PIAS4: variants seen among roughly 807,000 people sequenced by gnomAD.
PIAS4 encodes E3 SUMO-protein ligase PIAS4.
A neutral mutation model predicts 58.0 loss-of-function variants in PIAS4; 7 were observed. The observed-to-expected ratio is 0.12, with a 90% CI of 0.07 to 0.23. PIAS4 has a LOEUF of 0.23. Ranked by LOEUF, PIAS4 falls within the 10% of genes least tolerant of loss-of-function variation. The probability of loss-of-function intolerance (pLI) is 1.00; values close to 1 mark genes in which losing one functional copy is unlikely to be tolerated. For synonymous variants in PIAS4, 364 were observed against 312.4 expected (o/e 1.17, Z -1.74); for missense variants, 550 against 709.5 (o/e 0.78, Z 2.55).
At chr19:4,024,449 T>C (rs2144923504) in intron 3 of PIAS4, among the ~76,000 whole-genome samples, 1 of 152,328 alleles carries the variant, frequency 6.6e-6, no homozygotes, top group South Asian at 2.1e-4. Context: ...ACCCACGCCA[T>C]GACAAGAACA....
chr19:4,034,175 G>A (rs951952083), intron 9 of PIAS4, among the ~76,000 whole-genome samples: 19 of 152,294 alleles, frequency 1.2e-4, no homozygotes, highest in African/African-American at 3.8e-4. Context: ...GCCCGGCGCC[G>A]ACCGCGCCCA....
At chr19:4,036,787 C>CACCGTCACAT in intron 9 of PIAS4, among the ~76,000 whole-genome samples, 1 of 148,700 alleles carries the variant, frequency 6.7e-6, no homozygotes, top group African/African-American at 2.5e-5. Flanking sequence ...CACACACACA[C>CACCGTCACAT]ATCTATACAG....
At chr19:4,023,716 C>T (rs995699115) in intron 2 of PIAS4, among the ~76,000 whole-genome samples, 5 of 152,178 alleles carry the variant, frequency 3.3e-5, no homozygotes, top group African/African-American at 1.2e-4. Flanking sequence ...TGGCTGGGTC[C>T]AGCTCTCCCC....
chr19:4,012,514 C>T (rs2040006121), intron 1 of PIAS4, among the ~76,000 whole-genome samples: 1 of 152,132 alleles, frequency 6.6e-6, no homozygotes, highest in Non-Finnish European at 1.5e-5. Flanking sequence ...TGCTTTATGT[C>T]ATTATCCTCC....
intron 2 of PIAS4, among the ~76,000 whole-genome samples, chr19:4,018,042 C>T (rs1232389127): frequency 1.3e-5 from 2 of 152,222 alleles, no homozygotes; most frequent in Admixed American, 1.3e-4. Flanking sequence ...GAATTCCTAA[C>T]CTCAAGTGAT....
intron 7 of PIAS4, among the ~76,000 whole-genome samples, chr19:4,031,944 C>T (rs1222516954): frequency 6.6e-6 from 1 of 152,144 alleles, no homozygotes; most frequent in Non-Finnish European, 1.5e-5. Context: ...GAGCTGGGAT[C>T]CAAGGATGGA....
At chr19:4,033,393 C>T in intron 8 of PIAS4, 27 bp from the exon 9 acceptor site, 2 of 1,540,938 alleles carry the variant, frequency 1.3e-6, no homozygotes, top group Non-Finnish European at 1.7e-6. Flanking sequence ...GGAGGGGTGC[C>T]CTGCTCACGC....
At chr19:4,034,965 A>T (rs2040259898) in intron 9 of PIAS4, among the ~76,000 whole-genome samples, 2 of 152,092 alleles carry the variant, frequency 1.3e-5, no homozygotes, top group Admixed American at 6.5e-5. Context: ...AGGGGAGCGG[A>T]TAGAGGAGCA....
Position 4,036,212 on chromosome 19 carries a change from C to T in PIAS4, c.1143-1162C>T, listed in dbSNP as rs1489254505. On this transcript the variant is annotated intron_variant, in intron 9 of 10. Transcript: ENST00000262971. ...CCACACCGTCACACATCCATACAGT[C>T]CACACTGTCATACACACACACATCT... is the stretch of plus-strand genomic sequence containing the variant. 2.3e-5 allele frequency among the ~76,000 whole-genome samples: 3 copies of T among 133,320 alleles called. 1 individual carries two copies. Among genetic ancestry groups the T allele is most frequent in the Non-Finnish European group, 5.1e-5 (3 of 58,312 alleles). The allele number at this position is 133,320 out of a possible 152,430, so 87.5% of individuals were successfully genotyped here. A position where few individuals can be genotyped will look rare whatever the true frequency, so the allele number is the denominator to read the frequency against.
chr19:4,035,946 C>T (rs369611762), intron 9 of PIAS4, among the ~76,000 whole-genome samples: 2 of 124,944 alleles, frequency 1.6e-5, no homozygotes, highest in Non-Finnish European at 3.6e-5. Context: ...ATACAGTCCA[C>T]ACCATAACAC....
At chr19:4,008,361 C>G (rs1042450942) in intron 1 of PIAS4, among the ~76,000 whole-genome samples, 12 of 152,098 alleles carry the variant, frequency 7.9e-5, no homozygotes, top group African/African-American at 2.9e-4. Context: ...AGTCAGGGCC[C>G]TGAGACCACC....
At chr19:4,019,706 C>T (rs1407436540) in intron 2 of PIAS4, among the ~76,000 whole-genome samples, 1 of 152,196 alleles carries the variant, frequency 6.6e-6, no homozygotes, top group Non-Finnish European at 1.5e-5. Context: ...CTCAAGGGCC[C>T]AGCCGGGACT....
chr19:4,034,485 G>A (rs372506797), intron 9 of PIAS4, among the ~76,000 whole-genome samples: 5 of 152,242 alleles, frequency 3.3e-5, no homozygotes, highest in Admixed American at 6.5e-5. Flanking sequence ...GAGCTACCCC[G>A]GCTCACGGGG....
rs1325548284 is a variant in PIAS4, at chr19:4,013,225, G to A, written c.330G>A (p.Val110=). ...PLAGPNIDYP[V]LYGKYLNGLG... The stretch of plus-strand genomic sequence containing the variant: ...CAGGCCCCAATATTGACTACCCCGT[G>A]CTCTACGGAAAGTACTTAAACGGAC... Residue 110 remains valine (V), a synonymous_variant, in exon 2 of 11, where the codon GTG becomes GTA. Coordinates refer to ENST00000262971, the MANE Select transcript of PIAS4 (RefSeq NM_015897.4). This position sits in a 1 kb window ranked among gnomAD's most constrained non-coding sequence, Gnocchi z 5.1. 1 of 1,613,504 alleles carries A rather than the reference G, an allele frequency of 6.2e-7. No homozygotes were observed. The highest frequency in any genetic ancestry group is 1.1e-5 in the South Asian group (1 of 91,080).
intron 1 of PIAS4, among the ~76,000 whole-genome samples, chr19:4,012,486 G>A (rs2040005740): frequency 1.3e-5 from 2 of 152,110 alleles, no homozygotes; most frequent in African/African-American, 4.8e-5. Context: ...GACATGGGTT[G>A]AGCGCCCGCC....
chr19:4,008,164 G>A (rs1168126144), intron 1 of PIAS4, among the ~76,000 whole-genome samples: 1 of 152,118 alleles, frequency 6.6e-6, no homozygotes, highest in Non-Finnish European at 1.5e-5. Flanking sequence ...TCTTGGTTCC[G>A]AGCCGGGGTC....
intron 2 of PIAS4, among the ~76,000 whole-genome samples, chr19:4,017,517 C>G (rs1343238859): frequency 6.6e-6 from 1 of 152,112 alleles, no homozygotes; most frequent in Non-Finnish European, 1.5e-5. Flanking sequence ...GCTGCCTCTA[C>G]TCTTGATCTG....
chr19:4,025,491 G>A (rs1599224962), intron 3 of PIAS4, among the ~76,000 whole-genome samples: 1 of 152,106 alleles, frequency 6.6e-6, no homozygotes, highest in African/African-American at 2.4e-5. Context: ...TGGGCCGGGC[G>A]CCCCCATTTA....
At position 4,037,644 on chromosome 19, in the gene PIAS4, C is replaced by A. The variant is rs762188651; in HGVS notation, c.1302C>A (p.Pro434=). Residue 434 remains proline, a synonymous_variant, in exon 11 of 11, where the codon CCC becomes CCA. Coordinates refer to ENST00000262971, the MANE Select transcript of PIAS4 (RefSeq NM_015897.4). This position sits in a 1 kb window ranked among gnomAD's most constrained non-coding sequence, Gnocchi z 5.8. The part of the protein sequence containing the change: ...LGPSDANGLL[P]APSVNGSGAL... Reference sequence around the variant, plus strand: ...CCTCGGACGCCAATGGGCTCCTGCCCGCCCCCAGCGTCAACGGGAGCGGTG... The same window carrying A: ...CCTCGGACGCCAATGGGCTCCTGCCAGCCCCCAGCGTCAACGGGAGCGGTG... 2 of 1,611,492 alleles carry A rather than the reference C, an allele frequency of 1.2e-6. No individual in the cohort carries two copies. Among genetic ancestry groups the A allele is most frequent in the African/African-American group, 2.7e-5 (2 of 74,918 alleles).
Sources: gnomAD v4.1 joint callset for allele counts (sites outside exome capture counted in the v4.1 genomes callset) on GRCh38, gnomAD v4.1.1 for gene constraint, Gnocchi (gnomAD v3.1) non-coding constraint, MANE v1.5 for transcripts, NCBI Gene and HGNC (gene_info 2026-07-23, HGNC 2026-07-21) for gene names.